EPB41L3: variants seen among roughly 807,000 people sequenced by gnomAD.
EPB41L3 encodes the protein band 4.1-like protein 3.
A neutral mutation model predicts 127.1 loss-of-function variants in EPB41L3; 57 were observed. The ratio of observed to expected loss-of-function variants is 0.45; its 90% CI spans 0.36 to 0.56. The LOEUF (loss-of-function observed/expected upper bound fraction) is 0.56. EPB41L3 is among the 20% of genes least tolerant of loss of function. EPB41L3 has a pLI of 0.00. For synonymous variants in EPB41L3, 572 were observed against 549.5 expected (o/e 1.04, Z -0.57); for missense variants, 1,273 against 1,372.2 (o/e 0.93, Z 1.14).
chr18:5,530,288 C>G (rs1320905554), intron 1 of EPB41L3, among the ~76,000 whole-genome samples: 1 of 152,094 alleles, frequency 6.6e-6, no homozygotes, highest in Non-Finnish European at 1.5e-5. Context: ...AAGCATAAAG[C>G]TAGACTGCTA....
chr18:5,490,363 A>C (rs2090437701), intron 1 of EPB41L3, among the ~76,000 whole-genome samples: 1 of 152,194 alleles, frequency 6.6e-6, no homozygotes, highest in African/African-American at 2.4e-5. Context: ...ATAATATAGA[A>C]TTGTGCAAAA....
intron 1 of EPB41L3, among the ~76,000 whole-genome samples, chr18:5,542,719 GA>G (rs149213274): frequency 0.026 from 3,927 of 152,096 alleles, 135 homozygotes; most frequent in African/African-American, 0.079. Context: ...GCAACTAACG[GA>G]AAAACCCTAG....
At chr18:5,531,555 T>C (rs2093410638) in intron 1 of EPB41L3, among the ~76,000 whole-genome samples, 1 of 151,770 alleles carries the variant, frequency 6.6e-6, no homozygotes. Context: ...AAACCCTGTC[T>C]CTACTAAAAA....
intron 3 of EPB41L3, among the ~76,000 whole-genome samples, chr18:5,573,440 T>C (rs2094304252): frequency 6.6e-6 from 1 of 152,198 alleles, no homozygotes; most frequent in African/African-American, 2.4e-5. Flanking sequence ...CTAGAATAAT[T>C]CAGTAGCTAT....
In EPB41L3 at chr18:5,484,086, C is replaced by CAAAAAAAAAAAAAAAAAAAA. The variant is rs57231548; in HGVS notation, c.183+4895_183+4914dup. On this transcript the variant is annotated intron_variant, in intron 2 of 22. Transcript: ENST00000341928. ...GCTATAAAACAAGTCCAAACAAACT[C>CAAAAAAAAAAAAAAAAAAAA]AAAAAAAAAAAAAAAAAAAAAAAAA... 4.9e-4 allele frequency among the ~76,000 whole-genome samples: 9 copies of CAAAAAAAAAAAAAAAAAAAA among 18,278 alleles called. 2 individuals carry two copies. Among genetic ancestry groups the CAAAAAAAAAAAAAAAAAAAA allele is most frequent in the Non-Finnish European group, 6.6e-4 (5 of 7,592 alleles). 12.0% of individuals were successfully genotyped at this position (18,278 alleles called of 152,430 possible).
At chr18:5,560,864 T>C (rs1432129457) in intron 3 of EPB41L3, among the ~76,000 whole-genome samples, 2 of 152,130 alleles carry the variant, frequency 1.3e-5, no homozygotes, top group Non-Finnish European at 2.9e-5. Context: ...AGCACCAGGC[T>C]TCTAAAAGAC....
Position 5,394,419 on chromosome 18 carries a change from A to T in EPB41L3, c.*6+258T>A, listed in dbSNP as rs1223151614. On this transcript the variant is annotated intron_variant, in intron 22 of 22. Coordinates refer to ENST00000341928, the MANE Select transcript of EPB41L3 (RefSeq NM_012307.5). Reference sequence around the variant, plus strand: ...CCATGGAATAAAAGGGAACACCAGGAAGACCACACAAGCATAGAAGCATAG... The same window carrying T: ...CCATGGAATAAAAGGGAACACCAGGTAGACCACACAAGCATAGAAGCATAG... 3.1e-5 allele frequency: 11 copies of T among 355,692 alleles called. No individual in the cohort carries two copies. The East Asian group carries it at 5.0e-4, about 16-fold the overall frequency. The allele number at this position is 355,692 out of a possible 1,614,324, so 22.0% of individuals were successfully genotyped here. A position where few individuals can be genotyped will look rare whatever the true frequency, so the allele number is the denominator to read the frequency against.
intron 1 of EPB41L3, among the ~76,000 whole-genome samples, chr18:5,619,004 A>T (rs1599359670): frequency 6.6e-6 from 1 of 152,210 alleles, no homozygotes; most frequent in Admixed American, 6.5e-5. Flanking sequence ...TAGTTAACTC[A>T]GCCACTAAAA....
chr18:5,453,396 A>T (rs552703006), intron 3 of EPB41L3, among the ~76,000 whole-genome samples: 5 of 152,264 alleles, frequency 3.3e-5, no homozygotes, highest in African/African-American at 1.2e-4. Context: ...TCAGGAAGGA[A>T]TGGGGTTCCT....
intron 1 of EPB41L3, among the ~76,000 whole-genome samples, chr18:5,618,298 T>G (rs1478320823): frequency 6.6e-6 from 1 of 152,122 alleles, no homozygotes; most frequent in Admixed American, 6.5e-5. Context: ...TCTACAACAT[T>G]CATAAACTAC....
At chr18:5,589,229 A>G (rs2094465142) in intron 3 of EPB41L3, among the ~76,000 whole-genome samples, 1 of 152,174 alleles carries the variant, frequency 6.6e-6, no homozygotes, top group Non-Finnish European at 1.5e-5. Flanking sequence ...ATTACAGGAA[A>G]CCATGAAAAT....
chr18:5,448,609 T>TA (rs969938439), intron 3 of EPB41L3, among the ~76,000 whole-genome samples: 13 of 152,200 alleles, frequency 8.5e-5, no homozygotes, highest in African/African-American at 1.7e-4. Context: ...GTATATTTTT[T>TA]AAAAAAATGG....
chr18:5,602,605 C>T (rs754899253), intron 3 of EPB41L3, among the ~76,000 whole-genome samples: 28 of 152,146 alleles, frequency 1.8e-4, no homozygotes, highest in Non-Finnish European at 1.9e-4. Flanking sequence ...CCACCATGCC[C>T]GTCTAACTTT....
chr18:5,401,822 T>C (rs2074541460), intron 16 of EPB41L3, among the ~76,000 whole-genome samples: 1 of 152,132 alleles, frequency 6.6e-6, no homozygotes, highest in African/African-American at 2.4e-5. Context: ...CAGGTGGCAA[T>C]ACATTAGCTA....
At chr18:5,578,270 A>G (rs1599081145) in intron 3 of EPB41L3, among the ~76,000 whole-genome samples, 1 of 152,200 alleles carries the variant, frequency 6.6e-6, no homozygotes, top group Non-Finnish European at 1.5e-5. Flanking sequence ...TTTTACAGAT[A>G]AAAAAAGATC....
At chr18:5,551,596 T>C (rs1568562550) in intron 3 of EPB41L3, among the ~76,000 whole-genome samples, 1 of 152,118 alleles carries the variant, frequency 6.6e-6, no homozygotes, top group Non-Finnish European at 1.5e-5. Context: ...GGAGCATGCC[T>C]GTGGTCCCAG....
At chr18:5,494,009 TTC>T (rs1462717689) in intron 1 of EPB41L3, among the ~76,000 whole-genome samples, 6 of 152,224 alleles carry the variant, frequency 3.9e-5, no homozygotes, top group African/African-American at 1.4e-4. Context: ...ACTCTTTAAA[TTC>T]TCTTTCTTGG....
intron 3 of EPB41L3, among the ~76,000 whole-genome samples, chr18:5,609,783 G>A (rs1387252713): frequency 3.6e-5 from 5 of 138,860 alleles, no homozygotes; most frequent in Non-Finnish European, 7.9e-5. Context: ...CTGAACAAGA[G>A]TCTTAGAAAA....
chr18:5,482,171 C>T (rs2088689274), intron 2 of EPB41L3, among the ~76,000 whole-genome samples: 2 of 152,100 alleles, frequency 1.3e-5, no homozygotes, highest in South Asian at 4.1e-4. Flanking sequence ...GATTGAAATA[C>T]TTTTAAGAAA....
Sources: gnomAD v4.1 joint callset for allele counts (sites outside exome capture counted in the v4.1 genomes callset) on GRCh38, gnomAD v4.1.1 for gene constraint, MANE v1.5 for transcripts, NCBI Gene and HGNC (gene_info 2026-07-23, HGNC 2026-07-21) for gene names.